The following SLC8A1 variants were observed in gnomAD, a reference collection of about 807,000 sequenced individuals.
SLC8A1 encodes solute carrier family 8 member A1.
A neutral mutation model predicts 68.3 loss-of-function variants in SLC8A1; 18 were observed. The observed-to-expected ratio is 0.26, with a 90% CI of 0.18 to 0.39. SLC8A1 has a LOEUF of 0.39. Among genes scored for constraint, SLC8A1 ranks in the 10% least tolerant of loss-of-function variants. The pLI is 1.00. For missense variants in SLC8A1, 985 were observed against 1,156.7 expected, an observed-to-expected ratio of 0.85 and a Z score of 2.15; for synonymous variants, 475 against 415.5, an observed-to-expected ratio of 1.14 and a Z score of -1.74.
intron 2 of SLC8A1, among the ~76,000 whole-genome samples, chr2:40,219,049 A>G (rs1179064458): frequency 4.6e-5 from 1 of 21,846 alleles, no homozygotes; most frequent in Non-Finnish European, 1.4e-4. Context: ...GTCTGATATA[A>G]TCTCCATAAT....
chr2:40,291,674 C>G (rs1005035491), intron 2 of SLC8A1, among the ~76,000 whole-genome samples: 1 of 152,138 alleles, frequency 6.6e-6, no homozygotes, highest in African/African-American at 2.4e-5. Flanking sequence ...AAAATCACCT[C>G]TGAAAGAACC....
intron 2 of SLC8A1, among the ~76,000 whole-genome samples, chr2:40,402,838 C>T (rs991029339): frequency 2.0e-5 from 3 of 152,236 alleles, no homozygotes; most frequent in Non-Finnish European, 4.4e-5. Flanking sequence ...TCATCACCTA[C>T]TCCTTTAACT....
intron 7 of SLC8A1, among the ~76,000 whole-genome samples, chr2:40,133,184 G>C (rs17038990): frequency 0.025 from 3,777 of 152,204 alleles, 176 homozygotes; most frequent in African/African-American, 0.085. Flanking sequence ...CCTGAATTCA[G>C]CTCTAAAGCT....
chr2:40,125,284 G>A (rs1374917052), intron 7 of SLC8A1, among the ~76,000 whole-genome samples: 3 of 152,116 alleles, frequency 2.0e-5, no homozygotes, highest in African/African-American at 7.2e-5. Context: ...AGGGTGTAGC[G>A]GGGAGGAGGA....
At chr2:40,337,231 G>C (rs1666252093) in intron 2 of SLC8A1, 1 of 273,626 alleles carries the variant, frequency 3.7e-6, no homozygotes, top group Admixed American at 3.4e-5. Flanking sequence ...TCACTGTTTT[G>C]AAATGGTATT....
intron 2 of SLC8A1, among the ~76,000 whole-genome samples, chr2:40,364,552 C>T (rs1675526164): frequency 1.3e-5 from 2 of 150,412 alleles, no homozygotes; most frequent in South Asian, 4.2e-4. Context: ...TTATTTTGCT[C>T]TGTTCACATG....
intron 2 of SLC8A1, among the ~76,000 whole-genome samples, chr2:40,192,956 G>A (rs1257472365): frequency 3.9e-5 from 6 of 152,082 alleles, no homozygotes; most frequent in African/African-American, 1.4e-4. Flanking sequence ...GTATTCAACA[G>A]TAACCATCCG....
intron 1 of SLC8A1, among the ~76,000 whole-genome samples, chr2:40,491,117 C>A (rs1705288738): frequency 6.6e-6 from 1 of 152,040 alleles, no homozygotes; most frequent in African/African-American, 2.4e-5. Context: ...GTTGTGAAAG[C>A]CTTAGGAAGT....
chr2:40,303,437 G>A (rs2071925388), intron 2 of SLC8A1, among the ~76,000 whole-genome samples: 1 of 152,142 alleles, frequency 6.6e-6, no homozygotes, highest in Non-Finnish European at 1.5e-5. Context: ...GCTACAAAAT[G>A]CACTACCCGG....
intron 2 of SLC8A1, among the ~76,000 whole-genome samples, chr2:40,238,527 C>G (rs1440644113): frequency 6.6e-6 from 1 of 152,140 alleles, no homozygotes; most frequent in Non-Finnish European, 1.5e-5. Flanking sequence ...TGAGATGAAC[C>G]CAGTACCTCA....
At chr2:40,236,931 C>T (rs1171314529) in intron 2 of SLC8A1, among the ~76,000 whole-genome samples, 22 of 152,124 alleles carry the variant, frequency 1.4e-4, no homozygotes, top group African/African-American at 5.1e-4. Context: ...CATTGGCCCC[C>T]ACTCTCTTCT....
At chr2:40,275,494 G>C (rs2066585608) in intron 2 of SLC8A1, among the ~76,000 whole-genome samples, 1 of 152,184 alleles carries the variant, frequency 6.6e-6, no homozygotes, top group Admixed American at 6.5e-5. Flanking sequence ...CATATTGTGT[G>C]GTCCTTAGGG....
chr2:40,233,714 G>A (rs1239036489), intron 2 of SLC8A1, among the ~76,000 whole-genome samples: 1 of 149,142 alleles, frequency 6.7e-6, no homozygotes, highest in Non-Finnish European at 1.5e-5. Flanking sequence ...TTCTTCTAGG[G>A]TTTTTATGGT....
chr2:40,297,287 T>G (rs1054842754), intron 2 of SLC8A1, among the ~76,000 whole-genome samples: 1 of 152,332 alleles, frequency 6.6e-6, no homozygotes, highest in East Asian at 1.9e-4. Context: ...TCTCAGGATT[T>G]TGAAAAAGTT....
At chr2:40,238,979 C>T (rs957698027) in intron 2 of SLC8A1, among the ~76,000 whole-genome samples, 14 of 151,658 alleles carry the variant, frequency 9.2e-5, no homozygotes, top group Admixed American at 2.0e-4. Flanking sequence ...GGAAACAGTT[C>T]CAAAACATAA....
chr2:40,429,593 C>A, exon 2 of SLC8A1: 1 of 1,613,750 alleles, frequency 6.2e-7, no homozygotes. Flanking sequence ...CAGACCTCCA[C>A]AACACCAGGA....
At chr2:40,375,013 G>C (rs1679343296) in intron 2 of SLC8A1, among the ~76,000 whole-genome samples, 1 of 151,972 alleles carries the variant, frequency 6.6e-6, no homozygotes, top group South Asian at 2.1e-4. Context: ...CTTCCATGGA[G>C]AGCTCTCTAC....
At chr2:40,283,430 C>A (rs1396417979) in intron 2 of SLC8A1, among the ~76,000 whole-genome samples, 1 of 152,152 alleles carries the variant, frequency 6.6e-6, no homozygotes, top group East Asian at 1.9e-4. Context: ...TATTAAGACC[C>A]AGATGGTTCA....
chr2:40,322,374 C>T (rs1034409765), intron 2 of SLC8A1, among the ~76,000 whole-genome samples: 1 of 151,786 alleles, frequency 6.6e-6, no homozygotes, highest in Non-Finnish European at 1.5e-5. Flanking sequence ...AATGCCTTCA[C>T]AAGCTGGGCA....
Sources: gnomAD v4.1 joint callset for allele counts (sites outside exome capture counted in the v4.1 genomes callset) on GRCh38, gnomAD v4.1.1 for gene constraint, MANE v1.5 for transcripts, NCBI Gene and HGNC (gene_info 2026-07-23, HGNC 2026-07-21) for gene names.